RIMBP2: variants seen among roughly 807,000 people sequenced by gnomAD.
RIMBP2 encodes the protein RIMS-binding protein 2.
RIMBP2 carries 48 observed loss-of-function variants against 118.6 expected under a neutral mutation model. That is an observed-to-expected ratio of 0.40 (90% CI 0.32 to 0.51). The LOEUF (loss-of-function observed/expected upper bound fraction) is 0.51, where lower values mean the gene tolerates loss of function less well. Among genes scored for constraint, RIMBP2 ranks in the 20% least tolerant of loss-of-function variants. RIMBP2 has a pLI of 0.41. For missense variants in RIMBP2, 1,551 were observed against 1,768.3 expected, an observed-to-expected ratio of 0.88 and a Z score of 2.20; for synonymous variants, 762 against 742.9, an observed-to-expected ratio of 1.03 and a Z score of -0.42.
intron 6 of RIMBP2, among the ~76,000 whole-genome samples, chr12:130,463,672 A>T (rs1394835223): frequency 6.6e-6 from 1 of 151,844 alleles, no homozygotes; most frequent in Non-Finnish European, 1.5e-5. Context: ...GTCCAGGCTC[A>T]CCGGGTCACT....
intron 6 of RIMBP2, among the ~76,000 whole-genome samples, chr12:130,458,656 A>C (rs1373141785): frequency 1.3e-5 from 2 of 152,210 alleles, no homozygotes; most frequent in Admixed American, 1.3e-4. Context: ...GTGGAGAAAC[A>C]GGAGACATTT....
At chr12:130,484,728 A>C (rs2082336647) in intron 4 of RIMBP2, among the ~76,000 whole-genome samples, 1 of 152,178 alleles carries the variant, frequency 6.6e-6, no homozygotes, top group African/African-American at 2.4e-5. Flanking sequence ...CACGCTGCCC[A>C]CATCAGGGGC....
chr12:130,591,232 C>T (rs1295024096), intron 2 of RIMBP2, among the ~76,000 whole-genome samples: 5 of 152,188 alleles, frequency 3.3e-5, no homozygotes, highest in Admixed American at 1.3e-4. Context: ...ATGGCTGGAA[C>T]GTCAACTCTC....
chr12:130,608,969 T>C (rs2060345833), intron 2 of RIMBP2, among the ~76,000 whole-genome samples: 2 of 152,092 alleles, frequency 1.3e-5, no homozygotes, highest in African/African-American at 2.4e-5. Context: ...CCACATTCCA[T>C]TCTCTACTTC....
At chr12:130,406,041 G>A in intron 21 of RIMBP2, 131 bp downstream of exon 21, 1 of 637,006 alleles carries the variant, frequency 1.6e-6, no homozygotes, top group Non-Finnish European at 2.8e-6. Context: ...AGCCAATTAA[G>A]CAAAGCTATC....
At chr12:130,664,030 T>A (rs1025852635) in intron 1 of RIMBP2, among the ~76,000 whole-genome samples, 3 of 139,014 alleles carry the variant, frequency 2.2e-5, no homozygotes, top group African/African-American at 5.2e-5. Flanking sequence ...TGGGTTTTTT[T>A]TAAAAAATCT....
chr12:130,697,390 G>C (rs1386880938), intron 1 of RIMBP2, among the ~76,000 whole-genome samples: 2 of 152,176 alleles, frequency 1.3e-5, no homozygotes, highest in African/African-American at 4.8e-5. Flanking sequence ...GGGTATGGTG[G>C]TGGACGCCTG....
intron 1 of RIMBP2, among the ~76,000 whole-genome samples, chr12:130,637,226 C>T (rs920079748): frequency 2.6e-5 from 4 of 152,210 alleles, no homozygotes; most frequent in Non-Finnish European, 5.9e-5. Context: ...AAAGCCCCAC[C>T]GCATCTCCCC....
chr12:130,433,590 A>C (rs551413794), intron 14 of RIMBP2, among the ~76,000 whole-genome samples: 48 of 152,288 alleles, frequency 3.2e-4, no homozygotes, highest in Middle Eastern at 3.4e-3. Context: ...ATCACTGATA[A>C]GCCATTCATT....
chr12:130,581,796 T>A lies in RIMBP2; in HGVS notation c.-217+46526A>T, dbSNP rs1233449997. On this transcript the variant is annotated intron_variant, in intron 2 of 22. Coordinates refer to ENST00000690449, the MANE Select transcript of RIMBP2 (RefSeq NM_001393629.1). The surrounding 1 kb of genome is among the most constrained non-coding windows in gnomAD (Gnocchi z 4.4). ...CTGTTCTTACTCCCCATTAGTAAGC[T>A]GTCAACATGGTGGCCAGAAGTCACA... Among the ~76,000 whole-genome samples the A allele has an allele frequency of 6.6e-6, 1 of 152,240 alleles. No individual in the cohort carries two copies. Among genetic ancestry groups the A allele is most frequent in the Non-Finnish European group, 1.5e-5 (1 of 68,040 alleles).
intron 1 of RIMBP2, among the ~76,000 whole-genome samples, chr12:130,665,395 T>C (rs2063872470): frequency 6.6e-6 from 1 of 150,854 alleles, no homozygotes; most frequent in Admixed American, 6.6e-5. Flanking sequence ...CACAGTGGAG[T>C]GCACCTGTAG....
chr12:130,415,949 T>C (rs1285686906), intron 17 of RIMBP2, among the ~76,000 whole-genome samples: 7 of 141,046 alleles, frequency 5.0e-5, no homozygotes, highest in Admixed American at 3.5e-4. Context: ...TGCAATCCCA[T>C]TGACAATAGC....
chr12:130,695,170 C>A (rs913618749), intron 1 of RIMBP2, among the ~76,000 whole-genome samples: 7 of 152,216 alleles, frequency 4.6e-5, no homozygotes, highest in African/African-American at 1.4e-4. Context: ...AGGTCAGGCC[C>A]ACATGCTACA....
intron 4 of RIMBP2, among the ~76,000 whole-genome samples, chr12:130,481,247 G>T (rs1254401208): frequency 2.0e-5 from 3 of 152,146 alleles, no homozygotes; most frequent in Non-Finnish European, 4.4e-5. Context: ...TTTTCCAAAG[G>T]TAGCCCTACT....
At chr12:130,429,614 G>A (rs1196257038) in intron 14 of RIMBP2, 3 of 152,108 alleles carry the variant, frequency 2.0e-5, no homozygotes, top group African/African-American at 7.2e-5. Flanking sequence ...GCAAGACAAA[G>A]GTATTCAATA....
In RIMBP2 at chr12:130,476,408, T is replaced by C. The variant is rs111730478; in HGVS notation, c.102+2504A>G. On this transcript the variant is annotated intron_variant, in intron 5 of 22. Coordinates refer to ENST00000690449, the MANE Select transcript of RIMBP2 (RefSeq NM_001393629.1). Reference sequence around the variant, plus strand: ...AGACGACTGGTGACTTCTATCTTGGTAGGGGGATGAGGGCCAGTCTTCAGC... The same window carrying C: ...AGACGACTGGTGACTTCTATCTTGGCAGGGGGATGAGGGCCAGTCTTCAGC... Among the ~76,000 whole-genome samples the C allele has an allele frequency of 7.6e-3, 1,163 of 152,276 alleles. 17 individuals carry two copies. Among genetic ancestry groups the C allele is most frequent in the African/African-American group, 0.027 (1,104 of 41,562 alleles).
At chr12:130,557,748 T>G (rs747876264) in intron 2 of RIMBP2, among the ~76,000 whole-genome samples, 8 of 152,236 alleles carry the variant, frequency 5.3e-5, no homozygotes, top group Non-Finnish European at 1.0e-4. Context: ...GATTGATTTT[T>G]AAAAACATAT....
intron 7 of RIMBP2, among the ~76,000 whole-genome samples, chr12:130,451,743 G>A (rs947540990): frequency 1.1e-4 from 17 of 151,578 alleles, no homozygotes; most frequent in African/African-American, 3.7e-4. Context: ...TGCTCACAGC[G>A]AGACCGAGAG....
intron 2 of RIMBP2, among the ~76,000 whole-genome samples, chr12:130,624,381 G>C (rs2061497723): frequency 6.6e-6 from 1 of 152,216 alleles, no homozygotes; most frequent in Non-Finnish European, 1.5e-5. Context: ...TTGCAGAACA[G>C]ATTATGTGTG....
Sources: allele counts gnomAD v4.1 joint callset (sites outside exome capture counted in the v4.1 genomes callset), GRCh38; gene constraint gnomAD v4.1.1; non-coding constraint Gnocchi (gnomAD v3.1); transcripts MANE v1.5; gene names NCBI Gene and HGNC (gene_info 2026-07-23, HGNC 2026-07-21).